The following SUSD2 variants were observed in gnomAD, a reference collection of about 807,000 sequenced individuals.
SUSD2 encodes sushi domain containing 2.
SUSD2 carries 86 observed loss-of-function variants against 93.8 expected under a neutral mutation model. The observed-to-expected ratio is 0.92, with a 90% CI of 0.77 to 1.10. The LOEUF is 1.10. Among genes scored for constraint, SUSD2 ranks in the 50% least tolerant of loss-of-function variants. The probability of loss-of-function intolerance (pLI) is 0.00; values close to 1 mark genes in which losing one functional copy is unlikely to be tolerated. For synonymous variants in SUSD2, 483 were observed against 485.0 expected (o/e 1.00, Z 0.05); for missense variants, 1,060 against 1,137.0 (o/e 0.93, Z 0.97).
Position 24,184,360 on chromosome 22 carries a change from A to C in SUSD2, c.607+57A>C, listed in dbSNP as rs569810822. On this transcript the variant is annotated intron_variant, in intron 4 of 14. Coordinates refer to ENST00000358321, the MANE Select transcript of SUSD2 (RefSeq NM_019601.4). ...GAGCTTTGGGCCCCCAGAGGGGGAGAAAGGGGGTCCCAGCTGTGTGGGAGG... is the reference window on the plus strand; with the variant it reads ...GAGCTTTGGGCCCCCAGAGGGGGAGCAAGGGGGTCCCAGCTGTGTGGGAGG... 162 of 1,573,098 alleles carry C rather than the reference A, an allele frequency of 1.0e-4. 1 individual carries two copies. In the African/African-American group the frequency reaches 1.6e-3, roughly 16 times the overall value.
In SUSD2 at chr22:24,187,393, G is replaced by A. The variant is rs370092703; in HGVS notation, c.1834G>A (p.Gly612Arg). ...DPTDDFTLHS[G>R]RVLPPGTSPQ... The stretch of plus-strand genomic sequence containing the variant: ...CACCGACGACTTCACCCTGCACAGC[G>A]GGCGCGTCCTGCCCCCAGGCACCAG... Residue 612 changes from glycine (G) to arginine (R), a missense_variant, in exon 11 of 15, where the codon GGG (glycine) becomes AGG (arginine). Physicochemically the swap from Gly to Arg is moderately radical, Grantham distance 125. Transcript: ENST00000358321. 1.7e-5 allele frequency: 28 copies of A among 1,613,878 alleles called. No individual in the cohort carries two copies. The highest frequency in any genetic ancestry group is 1.5e-4 in the African/African-American group (11 of 75,028).
Position 24,188,729 on chromosome 22 carries a change from C to G in SUSD2, c.*293C>G, listed in dbSNP as rs935955707. The G allele has an allele frequency of 1.6e-5, 6 of 378,536 alleles. No individual in the cohort carries two copies. Among genetic ancestry groups the G allele is most frequent in the Non-Finnish European group, 2.9e-5 (6 of 206,474 alleles). The allele number at this position is 378,536 out of a possible 1,614,324, so 23.4% of individuals were successfully genotyped here. A position where few individuals can be genotyped will look rare whatever the true frequency, so the allele number is the denominator to read the frequency against. ...TACCTATGTCCTGAGCCCTGACACT[C>G]CCACACCTGAGCCTCAGATTCCAAT... On this transcript the variant is annotated 3_prime_UTR_variant, in exon 15 of 15. Coordinates refer to ENST00000358321, the MANE Select transcript of SUSD2 (RefSeq NM_019601.4). This position sits in a 1 kb window ranked among gnomAD's most constrained non-coding sequence, Gnocchi z 4.7.
At position 24,185,778 on chromosome 22, in the gene SUSD2, G is replaced by C. The variant is rs148066002; in HGVS notation, c.1188G>C (p.Pro396=). 1 of 1,610,068 alleles carries C rather than the reference G, an allele frequency of 6.2e-7. No homozygotes were observed. The highest frequency in any genetic ancestry group is 2.2e-5 in the East Asian group (1 of 44,750). The change falls in exon 8 of 15, where the codon CCG becomes CCC. Residue 396 remains proline, a synonymous_variant. Coordinates refer to ENST00000358321, the MANE Select transcript of SUSD2 (RefSeq NM_019601.4). ...GCGGCCATGACTGGGGCGCACCCCCGTTCCGCACGCCACCCCGAGTGCCCA... is the reference window on the plus strand; with the variant it reads ...GCGGCCATGACTGGGGCGCACCCCCCTTCCGCACGCCACCCCGAGTGCCCA... ...PDRGHDWGAP[P]FRTPPRVPSM...
At chr22:24,184,693 C>G in intron 4 of SUSD2, 73 bp from the exon 5 acceptor site, 1 of 1,284,466 alleles carries the variant, frequency 7.8e-7, no homozygotes, top group Admixed American at 2.3e-5. Flanking sequence ...ATCTGTCAGG[C>G]TGCTGTAGGT....
chr22:24,184,700 A>AGG, intron 4 of SUSD2, 66 bp from the exon 5 acceptor site: 1 of 1,337,880 alleles, frequency 7.5e-7, no homozygotes, highest in African/African-American at 1.5e-5. Flanking sequence ...AGGCTGCTGT[A>AGG]GGTGGCAAGG....
Position 24,188,279 on chromosome 22 carries a change from C to T in SUSD2, c.2396C>T (p.Ala799Val), listed in dbSNP as rs1306077807. 8.1e-6 allele frequency: 13 copies of T among 1,604,186 alleles called. No individual in the cohort carries two copies. Among genetic ancestry groups the T allele is most frequent in the East Asian group, 2.2e-5 (1 of 44,764 alleles). ...ATCTTTGGGGGCCTCGCGGTGGTGG[C>T]GGCGGTTGCGCTCGTCTATGTGCTG... ...GIIFGGLAVV[A>V]AVALVYVLLR... Residue 799 changes from alanine to valine, a missense_variant, in exon 14 of 15, where the codon GCG becomes GTG. This residue lies in a region of SUSD2 where 973 missense variants were observed against 1,005.3 expected (regional missense o/e 0.97). Transcript: ENST00000358321. The surrounding 1 kb of genome is among the most constrained non-coding windows in gnomAD (Gnocchi z 4.7).
In SUSD2 at chr22:24,185,265, C is replaced by T. The variant is rs773113881; in HGVS notation, c.954C>T (p.Thr318=). Residue 318 remains threonine (T), a synonymous_variant, in exon 6 of 15, where the codon ACC becomes ACT. Transcript: ENST00000358321. ...EELPDCPCTL[T]QARADSGRFF... is the part of the protein sequence containing the mutation. The stretch of plus-strand genomic sequence containing the variant: ...TGCCGGACTGCCCCTGCACCCTGAC[C>T]CAGGCCCGGGCTGACTCCGGCCGCT... 1 of 1,605,954 alleles carries T rather than the reference C, an allele frequency of 6.2e-7. No individual in the cohort carries two copies.
In SUSD2 at chr22:24,188,093, G is replaced by C. The variant is rs1159773327; in HGVS notation, c.2299G>C (p.Ala767Pro). ...LAGAETSTCQADGTWSSPTPK... is the reference protein window; with the variant it reads ...LAGAETSTCQPDGTWSSPTPK... ...CGGGGCAGAGACCAGCACCTGCCAG[G>C]CTGACGGCACCTGGTCCTCACCCAC... is the stretch of plus-strand genomic sequence containing the variant. The change falls in exon 13 of 15, where the codon GCT becomes CCT. Residue 767 changes from alanine to proline, a missense_variant. By Grantham distance (27) the Ala-to-Pro change is conservative. This residue lies in a region of SUSD2 where 973 missense variants were observed against 1,005.3 expected (regional missense o/e 0.97). Transcript: ENST00000358321. This position sits in a 1 kb window ranked among gnomAD's most constrained non-coding sequence, Gnocchi z 4.7. The C allele has an allele frequency of 6.2e-7, 1 of 1,612,976 alleles. No homozygotes were observed. Among genetic ancestry groups the C allele is most frequent in the Non-Finnish European group, 8.5e-7 (1 of 1,179,940 alleles).
At position 24,184,916 on chromosome 22, in the gene SUSD2, A is replaced by G; in HGVS notation, c.758A>G (p.Asp253Gly). Reference protein sequence around the residue: ...RWRVGALRIIDSKNYAGQKDV... With the variant: ...RWRVGALRIIGSKNYAGQKDV... ...CGAGTGGGTGCACTTCGGATCATCGACAGCAAAAATTACGCAGGGCAGAAG... is the reference window on the plus strand; with the variant it reads ...CGAGTGGGTGCACTTCGGATCATCGGCAGCAAAAATTACGCAGGGCAGAAG... Residue 253 changes from aspartate to glycine, a missense_variant, in exon 5 of 15, where the codon GAC becomes GGC. By Grantham distance (94) the Asp-to-Gly change is moderately conservative. Transcript: ENST00000358321. 1 of 1,613,712 alleles carries G rather than the reference A, an allele frequency of 6.2e-7. No individual in the cohort carries two copies. Among genetic ancestry groups the G allele is most frequent in the Non-Finnish European group, 8.5e-7 (1 of 1,179,904 alleles).
intron 3 of SUSD2, chr22:24,183,872 T>C (rs1171132480): frequency 1.5e-6 from 1 of 649,764 alleles, no homozygotes; most frequent in Non-Finnish European, 2.6e-6. Context: ...CCTAGAGAGG[T>C]GGGCCAGTGC....
chr22:24,183,731 G>A (rs1157669817), intron 3 of SUSD2, 85 bp downstream of exon 3: 11 of 1,432,614 alleles, frequency 7.7e-6, no homozygotes, highest in Middle Eastern at 4.6e-4. Flanking sequence ...TGGCCTGTCC[G>A]TGCCCTGCCT....
At chr22:24,183,758 C>T in intron 3 of SUSD2, 112 bp downstream of exon 3, 1 of 1,253,266 alleles carries the variant, frequency 8.0e-7, no homozygotes, top group African/African-American at 1.5e-5. Context: ...CTGAACCAGT[C>T]CCTTGGGAGG....
chr22:24,184,927 T>C lies in SUSD2; in HGVS notation c.769T>C (p.Tyr257His), dbSNP rs1200322811. ...ACTTCGGATCATCGACAGCAAAAAT[T>C]ACGCAGGGCAGAAGTAAGAAGGCAT... ...GALRIIDSKN[Y>H]AGQKDVQALW... Residue 257 changes from tyrosine (Y) to histidine (H), a missense_variant, in exon 5 of 15, where the codon TAC becomes CAC. By Grantham distance (83) the Tyr-to-His change is moderately conservative. This residue lies in a region of SUSD2 where 973 missense variants were observed against 1,005.3 expected (regional missense o/e 0.97). Coordinates refer to ENST00000358321, the MANE Select transcript of SUSD2 (RefSeq NM_019601.4). 5 of 1,613,520 alleles carry C rather than the reference T, an allele frequency of 3.1e-6. No individual in the cohort carries two copies. The highest frequency in any genetic ancestry group is 4.2e-6 in the Non-Finnish European group (5 of 1,179,854).
rs1455110161 is a variant in SUSD2, at chr22:24,185,937, C to G, written c.1339+8C>G. 1 of 1,566,966 alleles carries G rather than the reference C, an allele frequency of 6.4e-7. No homozygotes were observed. The highest frequency in any genetic ancestry group is 8.7e-7 in the Non-Finnish European group (1 of 1,152,414). On this transcript the variant is annotated splice_region_variant and intron_variant, in intron 8 of 14. Transcript: ENST00000358321. ...ACCGGCCCCCAAGACTGGGTGGGTG[C>G]CATCCCGTGCCCCAGACCCTGGGAA...
rs8141797 is a variant in SUSD2, at chr22:24,186,073, A to G, written c.1397A>G (p.Asn466Ser). 113,211 of 1,612,152 alleles carry G rather than the reference A, an allele frequency of 0.07. 4,729 individuals are homozygous for G. Among genetic ancestry groups the G allele is most frequent in the African/African-American group, 0.17 (12,540 of 75,012 alleles). The stretch of plus-strand genomic sequence containing the variant: ...TTCGACGGCACCAACTTCACATTCA[A>G]TGGGCGCGGAGAGTACGTGCTGCTG... Reference protein sequence around the residue: ...VTFDGTNFTFNGRGEYVLLEA... With the variant: ...VTFDGTNFTFSGRGEYVLLEA... The change falls in exon 9 of 15, where the codon AAT becomes AGT. Residue 466 changes from asparagine (N) to serine (S), a missense_variant. By Grantham distance (46) the Asn-to-Ser change is conservative. Coordinates refer to ENST00000358321, the MANE Select transcript of SUSD2 (RefSeq NM_019601.4).
In SUSD2 at chr22:24,185,254, T is replaced by C. The variant is rs772169427; in HGVS notation, c.943T>C (p.Cys315Arg). The change falls in exon 6 of 15, where the codon TGC becomes CGC. Residue 315 changes from cysteine (C) to arginine (R), a missense_variant. By Grantham distance (180) the Cys-to-Arg change is radical. Transcript: ENST00000358321. The stretch of plus-strand genomic sequence containing the variant: ...CCTGGAGGAGCTGCCGGACTGCCCC[T>C]GCACCCTGACCCAGGCCCGGGCTGA... ...NFLEELPDCP[C>R]TLTQARADSG... 3 of 1,606,812 alleles carry C rather than the reference T, an allele frequency of 1.9e-6. No homozygotes were observed. The highest frequency in any genetic ancestry group is 2.5e-6 in the Non-Finnish European group (3 of 1,179,920).
In SUSD2 at chr22:24,183,270, T is replaced by G. The variant is rs1446634929; in HGVS notation, c.287+3T>G. 2.5e-6 allele frequency: 4 copies of G among 1,610,840 alleles called. No individual in the cohort carries two copies. Among genetic ancestry groups the G allele is most frequent in the Non-Finnish European group, 3.4e-6 (4 of 1,178,186 alleles). ...ACAGACGCCAGTGTGATCTGCAGGT[T>G]GGGAGGCCCAGGAGGCCGGGCACTG... On this transcript the variant is annotated splice_donor_region_variant and intron_variant, in intron 2 of 14. Coordinates refer to ENST00000358321, the MANE Select transcript of SUSD2 (RefSeq NM_019601.4).
Position 24,188,427 on chromosome 22 carries a change from A to C in SUSD2, c.2460A>C (p.Ala820=), listed in dbSNP as rs2047385741. Residue 820 remains alanine (A), a synonymous_variant, in exon 15 of 15, where the codon GCA becomes GCC. Transcript: ENST00000358321. The surrounding 1 kb of genome is among the most constrained non-coding windows in gnomAD (Gnocchi z 4.7). ...RRKGNTHVWG[A]QP ...TCTGTTGCAGGCACGTCTGGGGTGC[A>C]CAGCCCTGATGGGAGCAGCTTGGCT... 3 of 1,610,660 alleles carry C rather than the reference A, an allele frequency of 1.9e-6. No homozygotes were observed. Among genetic ancestry groups the C allele is most frequent in the African/African-American group, 2.7e-5 (2 of 74,804 alleles).
In SUSD2 at chr22:24,188,085, C is replaced by T. The variant is rs1601343339; in HGVS notation, c.2291C>T (p.Thr764Ile). The change falls in exon 13 of 15, where the codon ACC becomes ATC. Residue 764 changes from threonine to isoleucine, a missense_variant. This residue lies in a region of SUSD2 where 973 missense variants were observed against 1,005.3 expected (regional missense o/e 0.97). Transcript: ENST00000358321. This position sits in a 1 kb window ranked among gnomAD's most constrained non-coding sequence, Gnocchi z 4.7. The stretch of plus-strand genomic sequence containing the variant: ...AGCCTGGCCGGGGCAGAGACCAGCA[C>T]CTGCCAGGCTGACGGCACCTGGTCC... ...GYSLAGAETS[T>I]CQADGTWSSP... 6.2e-7 allele frequency: 1 copy of T among 1,613,002 alleles called. No homozygotes were observed. The highest frequency in any genetic ancestry group is 1.1e-5 in the South Asian group (1 of 91,082).
Sources: allele counts gnomAD v4.1 joint callset, GRCh38; gene constraint gnomAD v4.1.1; regional missense constraint gnomAD v4.1.1; non-coding constraint Gnocchi (gnomAD v3.1); transcripts MANE v1.5; gene names NCBI Gene and HGNC (gene_info 2026-07-23, HGNC 2026-07-21).